The following EIF2AK1 variants were observed in gnomAD, a reference collection of about 807,000 sequenced individuals.
The protein encoded by EIF2AK1 is eukaryotic translation initiation factor 2 alpha kinase 1.
Under a neutral mutation model 77.9 loss-of-function variants are expected in EIF2AK1, and 54 were observed. The ratio of observed to expected loss-of-function variants is 0.69; its 90% confidence interval spans 0.56 to 0.87. EIF2AK1 has a LOEUF of 0.87. EIF2AK1 is among the 40% of genes least tolerant of loss of function. The pLI is 0.00. For missense variants in EIF2AK1, 810 were observed against 768.6 expected, an observed-to-expected ratio of 1.05 and a Z score of -0.64; for synonymous variants, 314 against 290.5, an observed-to-expected ratio of 1.08 and a Z score of -0.82.
chr7:6,029,096 ATGTTTTTAAG>A, intron 11 of EIF2AK1, 64 bp from the exon 12 acceptor site: 1 of 1,353,416 alleles, frequency 7.4e-7, no homozygotes, highest in South Asian at 1.3e-5. Flanking sequence ...TATCTTGTAA[ATGTTTTTAAG>A]TGTTTGGAAC....
In EIF2AK1 at chr7:6,024,329, G is replaced by T; in HGVS notation, c.*344C>A. On this transcript the variant is annotated 3_prime_UTR_variant, in exon 15 of 15. Coordinates refer to ENST00000199389, the MANE Select transcript of EIF2AK1 (RefSeq NM_014413.4). Reference sequence around the variant, plus strand: ...CAGTCCAGTGAGTATGTGCAGGCCCGGGCTTGGGCAGTGACGAGGGCAGGG... The same window carrying T: ...CAGTCCAGTGAGTATGTGCAGGCCCTGGCTTGGGCAGTGACGAGGGCAGGG... 1 of 1,220,632 alleles carries T rather than the reference G, an allele frequency of 8.2e-7. No individual in the cohort carries two copies. Among genetic ancestry groups the T allele is most frequent in the South Asian group, 1.6e-5 (1 of 63,062 alleles). The allele number at this position is 1,220,632 out of a possible 1,614,324, so 75.6% of individuals were successfully genotyped here. A position where few individuals can be genotyped will look rare whatever the true frequency, so the allele number is the denominator to read the frequency against.
intron 1 of EIF2AK1, among the ~76,000 whole-genome samples, chr7:6,056,449 C>T (rs994229734): frequency 1.0e-4 from 15 of 147,970 alleles, no homozygotes; most frequent in African/African-American, 3.7e-4. Context: ...AAGAAATTAG[C>T]TGGGTGTGGT....
chr7:6,043,009 C>A lies in EIF2AK1; in HGVS notation c.731-16G>T. The A allele has an allele frequency of 6.2e-7, 1 of 1,613,422 alleles. No individual in the cohort carries two copies. Among genetic ancestry groups the A allele is most frequent in the Non-Finnish European group, 8.5e-7 (1 of 1,179,586 alleles). On this transcript the variant is annotated splice_polypyrimidine_tract_variant and intron_variant, in intron 7 of 14. Transcript: ENST00000199389. ...GCTCTGTCTGCTGAATGAAAACAAA[C>A]AACAATCATCTTCAAACAGCCCAGT...
At chr7:6,031,068 T>C (rs1401620833) in intron 11 of EIF2AK1, among the ~76,000 whole-genome samples, 1 of 152,224 alleles carries the variant, frequency 6.6e-6, no homozygotes, top group Non-Finnish European at 1.5e-5. Flanking sequence ...AATTCCTCTG[T>C]TTTAGCTTTG....
At chr7:6,058,584 T>C (rs993470485) in intron 1 of EIF2AK1, among the ~76,000 whole-genome samples, 1 of 152,154 alleles carries the variant, frequency 6.6e-6, no homozygotes, top group African/African-American at 2.4e-5. Context: ...CCCAAACTAT[T>C]CAGCGTATAG....
intron 4 of EIF2AK1, chr7:6,047,339 A>G: frequency 1.8e-6 from 1 of 559,230 alleles, no homozygotes; most frequent in Non-Finnish European, 3.3e-6. Flanking sequence ...CCTAAGAATC[A>G]CTAACAGCCA....
Position 6,024,402 on chromosome 7 carries a change from G to C in EIF2AK1, c.*271C>G, listed in dbSNP as rs1352290016. 3.0e-6 allele frequency: 4 copies of C among 1,313,710 alleles called. No homozygotes were observed. In the Admixed American group the frequency reaches 1.0e-4, roughly 33 times the overall value. 81.4% of individuals were successfully genotyped at this position (1,313,710 alleles called of 1,614,324 possible). On this transcript the variant is annotated 3_prime_UTR_variant, in exon 15 of 15. Coordinates refer to ENST00000199389, the MANE Select transcript of EIF2AK1 (RefSeq NM_014413.4). ...ACCTTCTAGAGGAAGACCAGACAGA[G>C]GGTCAACAGAGTTGAAAGGAGAAAA... is the stretch of plus-strand genomic sequence containing the variant.
chr7:6,033,067 C>G lies in EIF2AK1; in HGVS notation c.1333-4035G>C. On this transcript the variant is annotated intron_variant, in intron 11 of 14. Transcript: ENST00000199389. This position sits in a 1 kb window ranked among gnomAD's most constrained non-coding sequence, Gnocchi z 4.4. ...CACTGCAACCTCTACTTCCTGGGTTCAAGAGCTTCTCCCACCTCAGCCTCC... is the reference window on the plus strand; with the variant it reads ...CACTGCAACCTCTACTTCCTGGGTTGAAGAGCTTCTCCCACCTCAGCCTCC... The G allele has an allele frequency of 4.3e-6, 3 of 699,472 alleles. No individual in the cohort carries two copies. The highest frequency in any genetic ancestry group is 6.8e-6 in the Non-Finnish European group (3 of 438,302). 43.3% of individuals were successfully genotyped at this position (699,472 alleles called of 1,614,324 possible).
chr7:6,026,277 C>T (rs888878716), intron 14 of EIF2AK1, among the ~76,000 whole-genome samples: 2 of 151,884 alleles, frequency 1.3e-5, no homozygotes, highest in African/African-American at 4.8e-5. Flanking sequence ...GAGCCCCCGG[C>T]AGACATACAG....
intron 1 of EIF2AK1, among the ~76,000 whole-genome samples, chr7:6,056,611 A>AT (rs1360501857): frequency 0.081 from 2,486 of 30,874 alleles, 124 homozygotes; most frequent in African/African-American, 0.23. Flanking sequence ...AAAAAAAAAA[A>AT]AAATATATAT....
intron 1 of EIF2AK1, among the ~76,000 whole-genome samples, chr7:6,055,069 G>A (rs779389318): frequency 1.8e-4 from 28 of 152,014 alleles, no homozygotes; most frequent in Non-Finnish European, 3.2e-4. Context: ...ATGGCCGGGC[G>A]CGGTTGTTCA....
chr7:6,048,775 T>G (rs1334763893), intron 4 of EIF2AK1, 32 bp downstream of exon 4: 1 of 1,512,458 alleles, frequency 6.6e-7, no homozygotes. Flanking sequence ...TTTTCAATAG[T>G]CTGCATAATC....
intron 8 of EIF2AK1, among the ~76,000 whole-genome samples, chr7:6,042,006 A>G (rs1788312889): frequency 6.6e-6 from 1 of 152,024 alleles, no homozygotes; most frequent in Non-Finnish European, 1.5e-5. Flanking sequence ...AAAATTAGCC[A>G]GACATGGTGG....
rs527653131 is a variant in EIF2AK1, at chr7:6,024,922, T to C, written c.1765-121A>G. 9.0e-6 allele frequency: 6 copies of C among 669,234 alleles called. No individual in the cohort carries two copies. In the African/African-American group the frequency reaches 1.2e-4, roughly 13 times the overall value. The allele number at this position is 669,234 out of a possible 1,614,324, so 41.5% of individuals were successfully genotyped here. A position where few individuals can be genotyped will look rare whatever the true frequency, so the allele number is the denominator to read the frequency against. On this transcript the variant is annotated intron_variant, in intron 14 of 14. Coordinates refer to ENST00000199389, the MANE Select transcript of EIF2AK1 (RefSeq NM_014413.4). Reference sequence around the variant, plus strand: ...GGCATGATCTTGGCTCACTGCAACCTGTGCCTCCCCAGTTCAAGCTATTCT... The same window carrying C: ...GGCATGATCTTGGCTCACTGCAACCCGTGCCTCCCCAGTTCAAGCTATTCT...
rs928568869 is a variant in EIF2AK1, at chr7:6,044,437, C to CAAAA, written c.730+121_730+124dup. ...TGGGCGACAGAGTGAGACTCCGTCT[C>CAAAA]AAAAAAAAATATGTAAAAACCATTC... On this transcript the variant is annotated intron_variant, in intron 7 of 14. Coordinates refer to ENST00000199389, the MANE Select transcript of EIF2AK1 (RefSeq NM_014413.4). 9.5e-6 allele frequency: 7 copies of CAAAA among 733,256 alleles called. No homozygotes were observed. The African/African-American group carries it at 1.1e-4, about 11-fold the overall frequency. 45.4% of individuals were successfully genotyped at this position (733,256 alleles called of 1,614,324 possible).
rs771540522 is a variant in EIF2AK1, at chr7:6,054,527, T to C, written c.277+19A>G. On this transcript the variant is annotated intron_variant, in intron 2 of 14. Transcript: ENST00000199389. ...CCTTTACAAGCTTTATTTAGCAAGA[T>C]TCATTTATTCTTACTTACGCTTAAA... 2 of 1,612,362 alleles carry C rather than the reference T, an allele frequency of 1.2e-6. No individual in the cohort carries two copies. Among genetic ancestry groups the C allele is most frequent in the South Asian group, 1.1e-5 (1 of 91,036 alleles).
chr7:6,028,875 C>A (rs766998617), intron 12 of EIF2AK1, 43 bp downstream of exon 12: 3 of 1,528,844 alleles, frequency 2.0e-6, no homozygotes, highest in East Asian at 2.3e-5. Context: ...GCAACCATGT[C>A]TTTTGCTTAT....
Position 6,036,239 on chromosome 7 carries a change from G to T in EIF2AK1, c.1332+1185C>A. On this transcript the variant is annotated intron_variant, in intron 11 of 14. Transcript: ENST00000199389. This position sits in a 1 kb window ranked among gnomAD's most constrained non-coding sequence, Gnocchi z 4.6. The stretch of plus-strand genomic sequence containing the variant: ...TAAGGGACACCCTAATAAAGCAATC[G>T]CAAAAACCTTTATCCCTACAGGGTA... 6.5e-7 allele frequency: 1 copy of T among 1,549,346 alleles called. No homozygotes were observed. The highest frequency in any genetic ancestry group is 8.7e-7 in the Non-Finnish European group (1 of 1,146,662).
At position 6,040,983 on chromosome 7, in the gene EIF2AK1, AGCTGCT is replaced by A; in HGVS notation, c.1022_1027del (p.Gln341_Gln342del). 2 of 1,614,196 alleles carry A rather than the reference AGCTGCT, an allele frequency of 1.2e-6. No individual in the cohort carries two copies. The highest frequency in any genetic ancestry group is 1.7e-6 in the Non-Finnish European group (2 of 1,180,038). ...TAGGTGGGAATTACGCCTGAGTGGCAGCTGCTGTTCCACAATTGAACTGGCAGACAA... is the reference window on the plus strand; with the variant it reads ...TAGGTGGGAATTACGCCTGAGTGGCAGTTCCACAATTGAACTGGCAGACAA... On this transcript the variant is annotated inframe_deletion, in exon 9 of 15. Coordinates refer to ENST00000199389, the MANE Select transcript of EIF2AK1 (RefSeq NM_014413.4).
Sources: gnomAD v4.1 joint callset for allele counts (sites outside exome capture counted in the v4.1 genomes callset) on GRCh38, gnomAD v4.1.1 for gene constraint, Gnocchi (gnomAD v3.1) non-coding constraint, MANE v1.5 for transcripts, NCBI Gene and HGNC (gene_info 2026-07-23, HGNC 2026-07-21) for gene names.